The following PHACTR2 variants were observed in gnomAD, a reference collection of about 807,000 sequenced individuals.
The protein encoded by PHACTR2 is phosphatase and actin regulator 2.
In PHACTR2, 30 loss-of-function variants were observed where a neutral mutation model predicts 76.0. The observed-to-expected ratio is 0.39, with a 90% CI of 0.30 to 0.54. The LOEUF (loss-of-function observed/expected upper bound fraction) is 0.54, where lower values mean the gene tolerates loss of function less well. Ranked by LOEUF, PHACTR2 falls within the 20% of genes least tolerant of loss-of-function variation. The pLI is 0.61. For synonymous variants in PHACTR2, 292 were observed against 292.5 expected (o/e 1.00, Z 0.02); for missense variants, 696 against 781.1 (o/e 0.89, Z 1.30).
At chr6:143,781,495 A>G (rs1775433195) in intron 9 of PHACTR2, among the ~76,000 whole-genome samples, 1 of 152,230 alleles carries the variant, frequency 6.6e-6, no homozygotes, top group South Asian at 2.1e-4. Context: ...AGAATTGACA[A>G]AAATGTTCTC....
rs932600903 is a variant in PHACTR2 at position 143,621,440 on chromosome 6, A to G, written c.13+13118A>G. ...AGAGTAGCACAGGACTTGGGAAGCCAGCAGCTACAAGGAAGCTCACCTGTC... is the reference window on the plus strand; with the variant it reads ...AGAGTAGCACAGGACTTGGGAAGCCGGCAGCTACAAGGAAGCTCACCTGTC... On this transcript the variant is annotated intron_variant, in intron 1 of 11. Coordinates refer to the PHACTR2 transcript ENST00000305766. The surrounding 1 kb of genome is among the most constrained non-coding windows in gnomAD (Gnocchi z 4.1). 4.6e-5 allele frequency among the ~76,000 whole-genome samples: 7 copies of G among 152,332 alleles called. No individual in the cohort carries two copies. The highest frequency in any genetic ancestry group is 1.4e-4 in the African/African-American group (6 of 41,586).
chr6:143,709,432 G>C lies in PHACTR2; in HGVS notation c.47-2584G>C, dbSNP rs1347857380. On this transcript the variant is annotated intron_variant, in intron 1 of 12. Transcript: ENST00000440869. The surrounding 1 kb of genome is among the most constrained non-coding windows in gnomAD (Gnocchi z 4.4). ...AGGAAGTGGCATCTATTGATTGTCTGTCTTCATTCAGTTTGAGATTTTCCT... is the reference window on the plus strand; with the variant it reads ...AGGAAGTGGCATCTATTGATTGTCTCTCTTCATTCAGTTTGAGATTTTCCT... 6.6e-6 allele frequency among the ~76,000 whole-genome samples: 1 copy of C among 152,180 alleles called. No homozygotes were observed. The highest frequency in any genetic ancestry group is 1.9e-4 in the East Asian group (1 of 5,200).
chr6:143,804,398 GCCA>G (rs1776022837), intron 11 of PHACTR2, among the ~76,000 whole-genome samples: 1 of 152,182 alleles, frequency 6.6e-6, no homozygotes, highest in South Asian at 2.1e-4. Flanking sequence ...CCAGTTAAGG[GCCA>G]CATCAGACTG....
chr6:143,600,345 G>C (rs904179610), intron 1 of PHACTR2, among the ~76,000 whole-genome samples: 3 of 152,238 alleles, frequency 2.0e-5, no homozygotes, highest in African/African-American at 7.2e-5. Context: ...CCCTTTGGCT[G>C]ATCGATATGT....
rs560094747 is a variant in PHACTR2, at chr6:143,775,255, G to A, written c.1589+1040G>A. ...AAAGCACAGCCTACCAGGGAACCTC[G>A]GGGGAGGCTTAGAGGGTCTCTCTGT... is the stretch of plus-strand genomic sequence containing the variant. On this transcript the variant is annotated intron_variant, in intron 8 of 12. Transcript: ENST00000440869. The surrounding 1 kb of genome is among the most constrained non-coding windows in gnomAD (Gnocchi z 4.4). 3.9e-5 allele frequency among the ~76,000 whole-genome samples: 6 copies of A among 152,142 alleles called. No homozygotes were observed. Among genetic ancestry groups the A allele is most frequent in the Non-Finnish European group, 7.4e-5 (5 of 68,010 alleles).
At chr6:143,575,414 A>G (rs541976204) in intron 1 of PHACTR2, among the ~76,000 whole-genome samples, 2 of 152,360 alleles carry the variant, frequency 1.3e-5, no homozygotes, top group Admixed American at 6.5e-5. Flanking sequence ...TAGTCTTTAT[A>G]TGAATGATCT....
chr6:143,588,743 GT>G (rs1250313576), intron 1 of PHACTR2, among the ~76,000 whole-genome samples: 4 of 152,072 alleles, frequency 2.6e-5, no homozygotes, highest in Non-Finnish European at 5.9e-5. Context: ...ACAAAAAACA[GT>G]ATTAGAAATA....
In PHACTR2 at chr6:143,664,799, T is replaced by C. The variant is rs1294922892; in HGVS notation, c.14-47217T>C. 6.6e-6 allele frequency among the ~76,000 whole-genome samples: 1 copy of C among 152,012 alleles called. No individual in the cohort carries two copies. Among genetic ancestry groups the C allele is most frequent in the Non-Finnish European group, 1.5e-5 (1 of 68,004 alleles). On this transcript the variant is annotated intron_variant, in intron 1 of 11. Coordinates refer to the PHACTR2 transcript ENST00000305766. The surrounding 1 kb of genome is among the most constrained non-coding windows in gnomAD (Gnocchi z 5.1). ...ATTTTCTTTCTTTATTTTTATTTTA[T>C]TTTATTATTATTATTTTGAGACACT...
intron 1 of PHACTR2, among the ~76,000 whole-genome samples, chr6:143,706,984 A>T (rs1299128634): frequency 6.6e-6 from 1 of 152,202 alleles, no homozygotes; most frequent in African/African-American, 2.4e-5. Flanking sequence ...CAATTGAGAG[A>T]GAGAAAGAGA....
At chr6:143,771,208 A>ATATATATATATG (rs1775122397) in intron 6 of PHACTR2, among the ~76,000 whole-genome samples, 1 of 80,450 alleles carries the variant, frequency 1.2e-5, no homozygotes, top group African/African-American at 6.9e-5. Flanking sequence ...ATATATATAT[A>ATATATATATATG]TATATATATA....
rs1379588739 is a variant in PHACTR2 at position 143,743,861 on chromosome 6, C to T, written c.215-5124C>T. 6.6e-6 allele frequency among the ~76,000 whole-genome samples: 1 copy of T among 152,172 alleles called. No homozygotes were observed. The highest frequency in any genetic ancestry group is 2.4e-5 in the African/African-American group (1 of 41,428). On this transcript the variant is annotated intron_variant, in intron 2 of 12. Coordinates refer to ENST00000440869, the MANE Select transcript of PHACTR2 (RefSeq NM_001100164.2). This position sits in a 1 kb window ranked among gnomAD's most constrained non-coding sequence, Gnocchi z 5.0. Reference sequence around the variant, plus strand: ...ATTGAGAATTAGGACTCTCTTTCCTCGCCAAAGAAAAACACAAGTGACTTG... The same window carrying T: ...ATTGAGAATTAGGACTCTCTTTCCTTGCCAAAGAAAAACACAAGTGACTTG...
rs1312656093 is a variant in PHACTR2 at position 143,639,440 on chromosome 6, A to G, written c.13+31118A>G. Among the ~76,000 whole-genome samples, 5 of 152,232 alleles carry G rather than the reference A, an allele frequency of 3.3e-5. No individual in the cohort carries two copies. The highest frequency in any genetic ancestry group is 7.3e-5 in the Non-Finnish European group (5 of 68,044). On this transcript the variant is annotated intron_variant, in intron 1 of 11. Coordinates refer to the PHACTR2 transcript ENST00000305766. This position sits in a 1 kb window ranked among gnomAD's most constrained non-coding sequence, Gnocchi z 5.0. ...TCAGAGCCATTTTATAAGTGACACA[A>G]GCAAAATAATTCTTATTTTTAATTC...
At chr6:143,603,371 GA>G (rs1425444760), upstream of PHACTR2, among the ~76,000 whole-genome samples, 1 of 150,046 alleles carries the variant, frequency 6.7e-6, no homozygotes, top group Non-Finnish European at 1.5e-5. Flanking sequence ...ATATAACAGG[GA>G]AAAAAATTAT....
chr6:143,793,779 T>C lies in PHACTR2; in HGVS notation c.1845+4869T>C, dbSNP rs1003739396. Among the ~76,000 whole-genome samples, 1 of 151,756 alleles carries C rather than the reference T, an allele frequency of 6.6e-6. No individual in the cohort carries two copies. The highest frequency in any genetic ancestry group is 2.4e-5 in the African/African-American group (1 of 41,280). On this transcript the variant is annotated intron_variant, in intron 11 of 12. Coordinates refer to ENST00000440869, the MANE Select transcript of PHACTR2 (RefSeq NM_001100164.2). This position sits in a 1 kb window ranked among gnomAD's most constrained non-coding sequence, Gnocchi z 4.4. ...AAAAATACAAAAAATTAGCCGGGTG[T>C]GGTGGCGCGTACCTGTAGTCCCAGC...
rs1777770784 is a variant in PHACTR2, at chr6:143,696,444, A to G, written c.47-15572A>G. ...CACTCTCCATTTTTATTCCCCACAA[A>G]ACCTCTTATCAGCCTTTTTCCACTT... On this transcript the variant is annotated intron_variant, in intron 1 of 12. Transcript: ENST00000440869. This position sits in a 1 kb window ranked among gnomAD's most constrained non-coding sequence, Gnocchi z 4.1. Among the ~76,000 whole-genome samples, 1 of 151,994 alleles carries G rather than the reference A, an allele frequency of 6.6e-6. No individual in the cohort carries two copies. Among genetic ancestry groups the G allele is most frequent in the Admixed American group, 6.6e-5 (1 of 15,228 alleles).
At position 143,608,354 on chromosome 6, in the gene PHACTR2, T is replaced by G; in HGVS notation, c.13+32T>G. The G allele has an allele frequency of 6.2e-7, 1 of 1,612,682 alleles. No homozygotes were observed. Among genetic ancestry groups the G allele is most frequent in the Non-Finnish European group, 8.5e-7 (1 of 1,178,684 alleles). On this transcript the variant is annotated intron_variant, in intron 1 of 11. Coordinates refer to the PHACTR2 transcript ENST00000305766. The surrounding 1 kb of genome is among the most constrained non-coding windows in gnomAD (Gnocchi z 4.6). ...AAATCAAGCATGAATTCTTCATAGC[T>G]GCTGGCTTCCTTTGCAGCCCGCATC... is the stretch of plus-strand genomic sequence containing the variant.
chr6:143,622,483 A>T (rs1776172610), intron 1 of PHACTR2, among the ~76,000 whole-genome samples: 1 of 152,208 alleles, frequency 6.6e-6, no homozygotes, highest in African/African-American at 2.4e-5. Flanking sequence ...CCTACCCCAG[A>T]TGTGGCACAC....
rs114548476 is a variant in PHACTR2 at position 143,711,771 on chromosome 6, A to G, written c.47-245A>G. The G allele has an allele frequency of 1.4e-3, 971 of 678,614 alleles. 11 individuals carry two copies. In the African/African-American group the frequency reaches 0.015, roughly 11 times the overall value. 42.0% of individuals were successfully genotyped at this position (678,614 alleles called of 1,614,324 possible). A position where few individuals can be genotyped will look rare whatever the true frequency, so the allele number is the denominator to read the frequency against. ...GACACTCATTTGTCTGGCCCCATCT[A>G]TAATGTAAGTCTCTTGCTTCTAGTC... is the stretch of plus-strand genomic sequence containing the variant. On this transcript the variant is annotated intron_variant, in intron 1 of 12. Coordinates refer to ENST00000440869, the MANE Select transcript of PHACTR2 (RefSeq NM_001100164.2).
Position 143,695,280 on chromosome 6 carries a change from A to C in PHACTR2, c.47-16736A>C, listed in dbSNP as rs983023495. Among the ~76,000 whole-genome samples the C allele has an allele frequency of 1.3e-5, 2 of 151,964 alleles. No individual in the cohort carries two copies. Among genetic ancestry groups the C allele is most frequent in the African/African-American group, 4.8e-5 (2 of 41,338 alleles). ...CAGAAGCTCTTAGCCAAACCTCTAC[A>C]CCCTTTAGTTGTGACTCTGTCATTG... is the stretch of plus-strand genomic sequence containing the variant. On this transcript the variant is annotated intron_variant, in intron 1 of 12. Coordinates refer to ENST00000440869, the MANE Select transcript of PHACTR2 (RefSeq NM_001100164.2). The surrounding 1 kb of genome is among the most constrained non-coding windows in gnomAD (Gnocchi z 4.4).
Sources: allele counts gnomAD v4.1 joint callset (sites outside exome capture counted in the v4.1 genomes callset), GRCh38; gene constraint gnomAD v4.1.1; non-coding constraint Gnocchi (gnomAD v3.1); transcripts MANE v1.5; gene names NCBI Gene and HGNC (gene_info 2026-07-23, HGNC 2026-07-21).